Variants in SIPA1L2 observed in about 807,000 individuals in gnomAD.
The protein encoded by SIPA1L2 is signal-induced proliferation-associated 1-like protein 2.
In SIPA1L2, 56 loss-of-function variants were observed where a neutral mutation model predicts 163.9. The ratio of observed to expected loss-of-function variants is 0.34; its 90% confidence interval spans 0.28 to 0.43. The LOEUF (loss-of-function observed/expected upper bound fraction) is 0.43. Ranked by LOEUF, SIPA1L2 falls within the 20% of genes least tolerant of loss-of-function variation. SIPA1L2 has a pLI of 1.00. For synonymous variants in SIPA1L2, 877 were observed against 865.7 expected, an observed-to-expected ratio of 1.01 and a Z score of -0.23; for missense variants, 1,974 against 2,193.5, an observed-to-expected ratio of 0.90 and a Z score of 2.00.
chr1:232,499,312 C>T (rs1666350660), intron 3 of SIPA1L2, among the ~76,000 whole-genome samples: 1 of 152,090 alleles, frequency 6.6e-6, no homozygotes, highest in South Asian at 2.1e-4. Context: ...GTAGTGAATG[C>T]AAAGAAAAAG....
intron 2 of SIPA1L2, among the ~76,000 whole-genome samples, chr1:232,556,661 C>A (rs1476556203): frequency 2.0e-5 from 3 of 151,622 alleles, no homozygotes; most frequent in Non-Finnish European, 4.4e-5. Context: ...TTATCAATCA[C>A]ACTTGAGAAT....
intron 1 of SIPA1L2, among the ~76,000 whole-genome samples, chr1:232,624,184 C>G (rs959368570): frequency 4.6e-5 from 7 of 152,024 alleles, no homozygotes; most frequent in African/African-American, 1.7e-4. Context: ...ATGGGATGCA[C>G]GTTGAAAAAA....
chr1:232,425,259 C>CT (rs10633026), intron 18 of SIPA1L2, among the ~76,000 whole-genome samples: 396 of 147,340 alleles, frequency 2.7e-3, no homozygotes, highest in Non-Finnish European at 4.2e-3. Flanking sequence ...TCAGTCTTTT[C>CT]TTTTTTTTTT....
intron 3 of SIPA1L2, among the ~76,000 whole-genome samples, chr1:232,504,131 G>T (rs970307572): frequency 6.6e-6 from 1 of 152,102 alleles, no homozygotes; most frequent in Non-Finnish European, 1.5e-5. Context: ...GAACCCAGGA[G>T]GCAGAGGTTG....
Position 232,398,966 on chromosome 1 carries a change from A to G in SIPA1L2, c.*161T>C. On this transcript the variant is annotated 3_prime_UTR_variant, in exon 23 of 23. Coordinates refer to ENST00000674635, the MANE Select transcript of SIPA1L2 (RefSeq NM_020808.5). ...TGCTCTCTGCCGTGGTTACCGAGAAAGAGTCGAGGCTCCCTATCCTGCTGT... is the reference window on the plus strand; with the variant it reads ...TGCTCTCTGCCGTGGTTACCGAGAAGGAGTCGAGGCTCCCTATCCTGCTGT... The G allele has an allele frequency of 1.1e-6, 1 of 918,188 alleles. No homozygotes were observed. Among genetic ancestry groups the G allele is most frequent in the Non-Finnish European group, 1.6e-6 (1 of 625,154 alleles). The allele number at this position is 918,188 out of a possible 1,614,324, so 56.9% of individuals were successfully genotyped here.
At position 232,627,504 on chromosome 1, in the gene SIPA1L2, C is replaced by G. The variant is rs528850062; in HGVS notation, c.-319+2365G>C. On this transcript the variant is annotated intron_variant, in intron 1 of 22. Coordinates refer to ENST00000674635, the MANE Select transcript of SIPA1L2 (RefSeq NM_020808.5). ...AGGTATCAAGGAACCCTTCAAAACACCATCCCAGTCTTGCGGGGTGAGGGG... is the reference window on the plus strand; with the variant it reads ...AGGTATCAAGGAACCCTTCAAAACAGCATCCCAGTCTTGCGGGGTGAGGGG... Among the ~76,000 whole-genome samples the G allele has an allele frequency of 5.9e-5, 9 of 152,072 alleles. No individual in the cohort carries two copies. The East Asian group carries it at 1.7e-3, about 29-fold the overall frequency.
chr1:232,442,193 C>T (rs1662942411), intron 12 of SIPA1L2, among the ~76,000 whole-genome samples: 3 of 151,426 alleles, frequency 2.0e-5, no homozygotes. Context: ...GAGGAGGTCG[C>T]ATTTTTACGT....
intron 1 of SIPA1L2, among the ~76,000 whole-genome samples, chr1:232,582,032 G>A (rs1457666740): frequency 6.6e-6 from 1 of 152,204 alleles, no homozygotes; most frequent in Admixed American, 6.5e-5. Flanking sequence ...ACCTTCAACT[G>A]TGAATTCTTA....
chr1:232,421,707 C>A (rs1661585690), intron 18 of SIPA1L2, among the ~76,000 whole-genome samples: 1 of 152,124 alleles, frequency 6.6e-6, no homozygotes, highest in African/African-American at 2.4e-5. Context: ...CACATGTGGT[C>A]TGAAGCAACA....
chr1:232,539,169 C>T (rs943526251), intron 2 of SIPA1L2, among the ~76,000 whole-genome samples: 6 of 152,206 alleles, frequency 3.9e-5, no homozygotes, highest in African/African-American at 1.4e-4. Flanking sequence ...CAAACCGCTG[C>T]AGGTGAAGCA....
intron 1 of SIPA1L2, among the ~76,000 whole-genome samples, chr1:232,612,304 C>T (rs754470419): frequency 3.0e-4 from 46 of 152,230 alleles, no homozygotes; most frequent in Non-Finnish European, 5.9e-4. Flanking sequence ...TACTGGGGCA[C>T]TGCCTAGTGG....
In SIPA1L2 at chr1:232,445,639, G is replaced by C; in HGVS notation, c.3243C>G (p.Ser1081=). Residue 1081 remains serine (S), a synonymous_variant, in exon 11 of 23, where the codon TCC becomes TCG. Coordinates refer to ENST00000674635, the MANE Select transcript of SIPA1L2 (RefSeq NM_020808.5). ...GCCGGTCGGGCGTGCCGGGGATGGG[G>C]GAAGCTCTAGAGAGGGGCTGCAGGG... ...TPALQPLSRA[S]PIPGTPDRLP... 1 of 1,613,910 alleles carries C rather than the reference G, an allele frequency of 6.2e-7. No homozygotes were observed. Among genetic ancestry groups the C allele is most frequent in the Non-Finnish European group, 8.5e-7 (1 of 1,179,974 alleles).
At chr1:232,463,363 C>G (rs1664337367) in intron 9 of SIPA1L2, among the ~76,000 whole-genome samples, 1 of 152,186 alleles carries the variant, frequency 6.6e-6, no homozygotes. Flanking sequence ...TCTTTCTTCC[C>G]ATTTCTGTTA....
chr1:232,567,055 C>A (rs1659446259), intron 2 of SIPA1L2, among the ~76,000 whole-genome samples: 1 of 152,124 alleles, frequency 6.6e-6, no homozygotes, highest in Admixed American at 6.5e-5. Context: ...TAATGGATGA[C>A]TTGGCCGTCT....
intron 2 of SIPA1L2, among the ~76,000 whole-genome samples, chr1:232,542,116 G>C (rs1657722097): frequency 1.3e-5 from 2 of 152,226 alleles, no homozygotes; most frequent in African/African-American, 2.4e-5. Flanking sequence ...GTATGATACA[G>C]ACAAATAGCA....
chr1:232,616,829 G>C (rs189093476), intron 1 of SIPA1L2, among the ~76,000 whole-genome samples: 115 of 152,318 alleles, frequency 7.5e-4, no homozygotes, highest in East Asian at 4.1e-3. Flanking sequence ...TGTTTGGAGA[G>C]GTTTAGCAAC....
At chr1:232,423,939 T>C (rs779335674) in intron 18 of SIPA1L2, among the ~76,000 whole-genome samples, 2 of 151,702 alleles carry the variant, frequency 1.3e-5, no homozygotes, top group Non-Finnish European at 1.5e-5. Context: ...GGCAAAACAA[T>C]GGAAATAGTA....
At position 232,471,502 on chromosome 1, in the gene SIPA1L2, A is replaced by G. The variant is rs1168492435; in HGVS notation, c.2112T>C (p.Asn704=). ...QQLLRKRHIG[N]DIVTIVFQEP... is the part of the protein sequence containing the mutation. ...CCTGGAAGACGATGGTGACGATGTC[A>G]TTTCCTATGTGCCTTTTCCTCAGTA... Residue 704 remains asparagine, a synonymous_variant, in exon 8 of 23, where the codon AAT becomes AAC. Coordinates refer to ENST00000674635, the MANE Select transcript of SIPA1L2 (RefSeq NM_020808.5). 6.2e-7 allele frequency: 1 copy of G among 1,613,904 alleles called. No homozygotes were observed. The highest frequency in any genetic ancestry group is 8.5e-7 in the Non-Finnish European group (1 of 1,179,928).
intron 12 of SIPA1L2, 52 bp downstream of exon 12, chr1:232,443,550 C>A: frequency 7.0e-7 from 1 of 1,425,562 alleles, no homozygotes; most frequent in Non-Finnish European, 9.5e-7. Context: ...TTCAATGAGT[C>A]ACAGAAAACA....
Sources: gnomAD v4.1 joint callset for allele counts (sites outside exome capture counted in the v4.1 genomes callset) on GRCh38, gnomAD v4.1.1 for gene constraint, MANE v1.5 for transcripts, NCBI Gene and HGNC (gene_info 2026-07-23, HGNC 2026-07-21) for gene names.